The following PCDHA12 variants were observed in gnomAD, a reference collection of about 807,000 sequenced individuals.
The protein encoded by PCDHA12 is protocadherin alpha 12.
In PCDHA12, 44 loss-of-function variants were observed where a neutral mutation model predicts 60.0. The observed-to-expected ratio is 0.73, with a 90% CI of 0.58 to 0.94. PCDHA12 has a LOEUF of 0.94. PCDHA12 is among the 40% of genes least tolerant of loss of function. The probability of loss-of-function intolerance (pLI) is 0.00; values close to 1 mark genes in which losing one functional copy is unlikely to be tolerated. For missense variants in PCDHA12, 1,276 were observed against 1,239.7 expected, an observed-to-expected ratio of 1.03 and a Z score of -0.44; for synonymous variants, 569 against 553.0, an observed-to-expected ratio of 1.03 and a Z score of -0.40.
At chr5:140,884,173 C>T in intron 1 of PCDHA12, 1 of 1,613,432 alleles carries the variant, frequency 6.2e-7, no homozygotes, top group Non-Finnish European at 8.5e-7. Context: ...GCACGACGCG[C>T]CCTCTGGACG....
At position 140,993,501 on chromosome 5, in the gene PCDHA12, C is replaced by CACACAT. The variant is rs1554253793; in HGVS notation, c.2515+10943_2515+10944insTACACA. Reference sequence around the variant, plus strand: ...ACACACACACACACACACACACACACACACACACGGGGAGAGAGAGACAGA... The same window carrying CACACAT: ...ACACACACACACACACACACACACACACACATACACACACGGGGAGAGAGAGACAGA... On this transcript the variant is annotated intron_variant, in intron 3 of 3. Coordinates refer to ENST00000398631, the MANE Select transcript of PCDHA12 (RefSeq NM_018903.4). Among the ~76,000 whole-genome samples the CACACAT allele has an allele frequency of 3.4e-5, 5 of 148,992 alleles. No homozygotes were observed. The East Asian group carries it at 7.8e-4, about 23-fold the overall frequency.
At chr5:140,927,051 G>C (rs1554203978) in intron 1 of PCDHA12, 1 of 1,611,998 alleles carries the variant, frequency 6.2e-7, no homozygotes, top group Non-Finnish European at 8.5e-7. Flanking sequence ...TGTCCTCGCG[G>C]AACTTTCGCT....
chr5:140,931,247 C>G (rs782447233), intron 1 of PCDHA12, among the ~76,000 whole-genome samples: 4 of 152,032 alleles, frequency 2.6e-5, no homozygotes, highest in African/African-American at 4.8e-5. Flanking sequence ...CTTTTCCTAC[C>G]AAGAAATTTC....
intron 1 of PCDHA12, among the ~76,000 whole-genome samples, chr5:140,893,651 A>G (rs1422431076): frequency 6.6e-6 from 1 of 152,106 alleles, no homozygotes; most frequent in Non-Finnish European, 1.5e-5. Context: ...TTTGGCTGAT[A>G]GTTTTAAAAA....
intron 1 of PCDHA12, among the ~76,000 whole-genome samples, chr5:140,960,371 T>A (rs2095543916): frequency 6.6e-6 from 1 of 152,196 alleles, no homozygotes; most frequent in Non-Finnish European, 1.5e-5. Context: ...TGCCAACTCT[T>A]AAGTGCCAAG....
intron 1 of PCDHA12, chr5:140,966,657 G>A: frequency 1.7e-6 from 2 of 1,210,192 alleles, no homozygotes; most frequent in Admixed American, 3.9e-5. Context: ...TGAGCGGTGG[G>A]GGAGCAGGCG....
At chr5:140,988,482 C>T (rs1017365611) in intron 3 of PCDHA12, among the ~76,000 whole-genome samples, 1 of 152,152 alleles carries the variant, frequency 6.6e-6, no homozygotes, top group Non-Finnish European at 1.5e-5. Flanking sequence ...GAATTAGCAT[C>T]CCCTACCTAG....
At chr5:140,955,102 C>A (rs2095137498) in intron 1 of PCDHA12, among the ~76,000 whole-genome samples, 1 of 151,988 alleles carries the variant, frequency 6.6e-6, no homozygotes, top group Admixed American at 6.6e-5. Context: ...GGTGTTATTT[C>A]TGAGTTCTCT....
At chr5:140,951,431 G>A (rs1003684083) in intron 1 of PCDHA12, among the ~76,000 whole-genome samples, 1 of 152,044 alleles carries the variant, frequency 6.6e-6, no homozygotes, top group Non-Finnish European at 1.5e-5. Context: ...TCCACAGGCT[G>A]TAGGAAGCAT....
rs561284006 is a variant in PCDHA12, at chr5:140,905,585, T to G, written c.2367+27746T>G. 2.0e-5 allele frequency among the ~76,000 whole-genome samples: 3 copies of G among 152,306 alleles called. No individual in the cohort carries two copies. The East Asian group carries it at 5.8e-4, about 29-fold the overall frequency. On this transcript the variant is annotated intron_variant, in intron 1 of 3. Coordinates refer to ENST00000398631, the MANE Select transcript of PCDHA12 (RefSeq NM_018903.4). ...AGTCATGTGAAGAATGATAATGATATTTTGCTGGGAATTGCATTGAATCTA... is the reference window on the plus strand; with the variant it reads ...AGTCATGTGAAGAATGATAATGATAGTTTGCTGGGAATTGCATTGAATCTA...
rs1320219732 is a variant in PCDHA12, at chr5:140,966,886, G to A, written c.2368-12063G>A. On this transcript the variant is annotated intron_variant, in intron 1 of 3. Coordinates refer to ENST00000398631, the MANE Select transcript of PCDHA12 (RefSeq NM_018903.4). Reference sequence around the variant, plus strand: ...TGCTGCTGCTGCTACCTGGCCCTGCGGCCTCCCAGCTGCGATACTCTGTGC... The same window carrying A: ...TGCTGCTGCTGCTACCTGGCCCTGCAGCCTCCCAGCTGCGATACTCTGTGC... The A allele has an allele frequency of 5.7e-6, 9 of 1,592,130 alleles. No individual in the cohort carries two copies. The Admixed American group carries it at 1.0e-4, about 18-fold the overall frequency.
chr5:140,965,174 C>CT (rs1213439654), intron 1 of PCDHA12, among the ~76,000 whole-genome samples: 4 of 152,228 alleles, frequency 2.6e-5, no homozygotes, highest in Non-Finnish European at 2.9e-5. Flanking sequence ...TTAGTGAGTG[C>CT]TTTTTTTGCA....
At chr5:140,989,462 G>A (rs531421005) in intron 3 of PCDHA12, among the ~76,000 whole-genome samples, 27 of 152,326 alleles carry the variant, frequency 1.8e-4, no homozygotes, top group Non-Finnish European at 2.9e-4. Context: ...GTTAGGCTTG[G>A]AACTCCTCCT....
chr5:141,000,924 G>C (rs375816680), intron 3 of PCDHA12, among the ~76,000 whole-genome samples: 97 of 152,046 alleles, frequency 6.4e-4, no homozygotes, highest in African/African-American at 2.2e-3. Context: ...AAAAAATCCT[G>C]TGTGATTTAG....
In PCDHA12 at chr5:140,875,478, G is replaced by T; in HGVS notation, c.6G>T (p.Val2=). 4 of 1,610,404 alleles carry T rather than the reference G, an allele frequency of 2.5e-6. No individual in the cohort carries two copies. The highest frequency in any genetic ancestry group is 3.4e-6 in the Non-Finnish European group (4 of 1,177,940). Residue 2 remains valine, a synonymous_variant, in exon 1 of 4, where the codon GTG becomes GTT. Coordinates refer to ENST00000398631, the MANE Select transcript of PCDHA12 (RefSeq NM_018903.4). The part of the protein sequence containing the change: M[V]IIGPRGPGSQ... The stretch of plus-strand genomic sequence containing the variant: ...AGAGGCCCTCATTTTCTGCAATGGT[G>T]ATTATCGGACCAAGAGGCCCGGGAT...
chr5:140,900,354 C>T (rs376691648), intron 1 of PCDHA12, among the ~76,000 whole-genome samples: 68 of 151,986 alleles, frequency 4.5e-4, no homozygotes, highest in African/African-American at 1.2e-3. Context: ...CTTGGCTCAC[C>T]GCAACCTCTG....
intron 1 of PCDHA12, among the ~76,000 whole-genome samples, chr5:140,917,244 C>T (rs891511496): frequency 1.9e-4 from 29 of 149,864 alleles, no homozygotes; most frequent in Non-Finnish European, 3.0e-4. Flanking sequence ...CTAGGTACTA[C>T]GATTGCTCAC....
At chr5:140,999,605 G>T (rs1587843541) in intron 3 of PCDHA12, among the ~76,000 whole-genome samples, 2 of 152,132 alleles carry the variant, frequency 1.3e-5, no homozygotes, top group Admixed American at 1.3e-4. Context: ...CATCCTGGGG[G>T]ACCTTATCAA....
intron 1 of PCDHA12, among the ~76,000 whole-genome samples, chr5:140,886,663 T>G (rs1164928390): frequency 6.6e-6 from 1 of 151,786 alleles, no homozygotes; most frequent in Non-Finnish European, 1.5e-5. Flanking sequence ...CTGTCTCTAC[T>G]AAAAATACAA....
Sources: gnomAD v4.1 joint callset for allele counts (sites outside exome capture counted in the v4.1 genomes callset) on GRCh38, gnomAD v4.1.1 for gene constraint, MANE v1.5 for transcripts, NCBI Gene and HGNC (gene_info 2026-07-23, HGNC 2026-07-21) for gene names.